Variants in ZFHX3 observed in about 807,000 individuals in gnomAD.
ZFHX3 encodes the protein zinc finger homeobox 3.
Under a neutral mutation model 279.1 loss-of-function variants are expected in ZFHX3, and 42 were observed. That is an observed-to-expected ratio of 0.15 (90% CI 0.12 to 0.19). The LOEUF is 0.19. Among genes scored for constraint, ZFHX3 ranks in the 10% least tolerant of loss-of-function variants. The pLI is 1.00. For synonymous variants in ZFHX3, 2,293 were observed against 1,957.8 expected, an observed-to-expected ratio of 1.17 and a Z score of -4.52; for missense variants, 4,981 against 4,754.0, an observed-to-expected ratio of 1.05 and a Z score of -1.40.
chr16:73,579,538 G>A (rs984385269), intron 2 of ZFHX3, among the ~76,000 whole-genome samples: 4 of 147,710 alleles, frequency 2.7e-5, no homozygotes, highest in South Asian at 2.1e-4. Flanking sequence ...GTCTCACTCC[G>A]TCACCCAGGC....
chr16:73,579,770 TA>T (rs1353850628), intron 2 of ZFHX3, among the ~76,000 whole-genome samples: 1 of 148,962 alleles, frequency 6.7e-6, no homozygotes, highest in Non-Finnish European at 1.5e-5. Context: ...CCAAAGTGTA[TA>T]AATTTTAATT....
intron 1 of ZFHX3, among the ~76,000 whole-genome samples, chr16:73,687,421 A>G (rs1189542038): frequency 6.6e-6 from 1 of 151,742 alleles, no homozygotes; most frequent in Non-Finnish European, 1.5e-5. Context: ...GTCATTTATT[A>G]CTAGATAAAT....
At chr16:72,806,199 A>T (rs2036259165) in intron 7 of ZFHX3, among the ~76,000 whole-genome samples, 1 of 152,148 alleles carries the variant, frequency 6.6e-6, no homozygotes, top group South Asian at 2.1e-4. Context: ...TAGTTCATTC[A>T]ATTTTTAAAT....
chr16:72,848,140 G>A (rs1393335567), intron 4 of ZFHX3, among the ~76,000 whole-genome samples: 1 of 152,150 alleles, frequency 6.6e-6, no homozygotes, highest in African/African-American at 2.4e-5. Context: ...CTCCGCTCCT[G>A]GGGATGGGGG....
chr16:72,908,540 C>A (rs570751676), intron 3 of ZFHX3, among the ~76,000 whole-genome samples: 31 of 152,178 alleles, frequency 2.0e-4, no homozygotes, highest in African/African-American at 6.5e-4. Context: ...CTTGATCGTC[C>A]GTTCACTTAC....
intron 3 of ZFHX3, among the ~76,000 whole-genome samples, chr16:72,896,528 T>A (rs1297855035): frequency 6.6e-6 from 1 of 152,246 alleles, no homozygotes; most frequent in African/African-American, 2.4e-5. Context: ...GAGGCTCCGC[T>A]GTGCGACTTT....
intron 1 of ZFHX3, among the ~76,000 whole-genome samples, chr16:73,765,835 G>A (rs1384518549): frequency 6.6e-6 from 1 of 152,206 alleles, no homozygotes; most frequent in Non-Finnish European, 1.5e-5. Context: ...TGTATGTTCT[G>A]AAACCTGGTT....
At position 73,291,658 on chromosome 16, in the gene ZFHX3, G is replaced by A. The variant is rs185447915; in HGVS notation, c.-1194+26582C>T. 2.4e-4 allele frequency among the ~76,000 whole-genome samples: 37 copies of A among 152,282 alleles called. No homozygotes were observed. In the East Asian group the frequency reaches 5.6e-3, roughly 23 times the overall value. ...GCCACCAGAAGAGGTCTTAGCACCT[G>A]GTAAGCAGGTGTATTGCCCCTGAAG... On this transcript the variant is annotated intron_variant, in intron 4 of 17. Coordinates refer to the ZFHX3 transcript ENST00000641206.
intron 2 of ZFHX3, among the ~76,000 whole-genome samples, chr16:73,543,599 G>C (rs896315049): frequency 6.6e-6 from 1 of 152,160 alleles, no homozygotes; most frequent in South Asian, 2.1e-4. Context: ...TCAAGTGGAG[G>C]CCTGCCTGGC....
chr16:73,464,195 GAAGA>G (rs2018521997), intron 2 of ZFHX3, among the ~76,000 whole-genome samples: 1 of 151,992 alleles, frequency 6.6e-6, no homozygotes, highest in Non-Finnish European at 1.5e-5. Context: ...TGAGTAAGTG[GAAGA>G]AAGAGAGAAA....
chr16:73,117,462 A>T (rs1351915832), intron 7 of ZFHX3, among the ~76,000 whole-genome samples: 1 of 152,228 alleles, frequency 6.6e-6, no homozygotes, highest in Non-Finnish European at 1.5e-5. Context: ...AGAAAGTAGA[A>T]ATTTCCAGGT....
rs2035544389 is a variant in ZFHX3 at position 72,788,323 on chromosome 16, T to C, written c.9953A>G (p.Tyr3318Cys). The C allele has an allele frequency of 6.2e-7, 1 of 1,613,984 alleles. No individual in the cohort carries two copies. The highest frequency in any genetic ancestry group is 1.3e-5 in the African/African-American group (1 of 74,906). The part of the protein sequence containing the change: ...LPYFVPGFSP[Y>C]YAPQIPGALQ... ...GGCGCCAGGGATCTGGGGAGCATAATAAGGAGAAAAGCCTGGTACAAAGTA... is the reference window on the plus strand; with the variant it reads ...GGCGCCAGGGATCTGGGGAGCATAACAAGGAGAAAAGCCTGGTACAAAGTA... The change falls in exon 10 of 10, where the codon TAT (tyrosine) becomes TGT (cysteine). Residue 3318 changes from tyrosine (Y) to cysteine (C), a missense_variant. Coordinates refer to ENST00000268489, the MANE Select transcript of ZFHX3 (RefSeq NM_006885.4).
At chr16:73,330,519 A>C (rs2015781487) in intron 3 of ZFHX3, among the ~76,000 whole-genome samples, 1 of 152,196 alleles carries the variant, frequency 6.6e-6, no homozygotes, top group Non-Finnish European at 1.5e-5. Context: ...AAACGTCAGG[A>C]TTTTGTAGTC....
intron 2 of ZFHX3, among the ~76,000 whole-genome samples, chr16:73,669,200 T>C (rs1480973708): frequency 6.6e-6 from 1 of 152,110 alleles, no homozygotes; most frequent in Non-Finnish European, 1.5e-5. Flanking sequence ...ATTACAGGCA[T>C]GTGCCACTAC....
At chr16:72,865,195 G>A (rs866853281) in intron 4 of ZFHX3, among the ~76,000 whole-genome samples, 2 of 152,312 alleles carry the variant, frequency 1.3e-5, no homozygotes, top group Middle Eastern at 3.4e-3. Context: ...TCACCAACAA[G>A]TATTTATGGA....
intron 4 of ZFHX3, among the ~76,000 whole-genome samples, chr16:73,290,929 T>C (rs967337825): frequency 6.6e-6 from 1 of 152,146 alleles, no homozygotes; most frequent in African/African-American, 2.4e-5. Context: ...CATAGAGAAC[T>C]AGAAAACATG....
intron 3 of ZFHX3, among the ~76,000 whole-genome samples, chr16:73,330,353 G>A (rs749819371): frequency 2.6e-5 from 4 of 152,206 alleles, no homozygotes; most frequent in Non-Finnish European, 4.4e-5. Context: ...TCAGGTTCTG[G>A]TTAATATGGA....
chr16:73,787,435 G>A (rs1025779306), intron 1 of ZFHX3, among the ~76,000 whole-genome samples: 1 of 152,100 alleles, frequency 6.6e-6, no homozygotes, highest in Non-Finnish European at 1.5e-5. Flanking sequence ...GAAAACTGAT[G>A]GCAACAATAT....
intron 1 of ZFHX3, among the ~76,000 whole-genome samples, chr16:73,778,236 T>TAAAAAAAAAAAAAAAAAAA (rs10654824): frequency 1.7e-5 from 1 of 58,706 alleles, no homozygotes; most frequent in Non-Finnish European, 2.8e-5. Flanking sequence ...GAAGGAGTGT[T>TAAAAAAAAAAAAAAAAAAA]AAAAAAAAAA....
Sources: gnomAD v4.1 joint callset for allele counts (sites outside exome capture counted in the v4.1 genomes callset) on GRCh38, gnomAD v4.1.1 for gene constraint, MANE v1.5 for transcripts, NCBI Gene and HGNC (gene_info 2026-07-23, HGNC 2026-07-21) for gene names.